Variants in PTPRD observed in about 807,000 individuals in gnomAD.
PTPRD encodes protein tyrosine phosphatase receptor type D.
Under a neutral mutation model 214.5 loss-of-function variants are expected in PTPRD, and 34 were observed. The ratio of observed to expected loss-of-function variants is 0.16; its 90% CI spans 0.12 to 0.21. The LOEUF is 0.21. Ranked by LOEUF, PTPRD falls within the 10% of genes least tolerant of loss-of-function variation. PTPRD has a pLI of 1.00. For missense variants in PTPRD, 2,545 were observed against 2,398.7 expected (o/e 1.06, Z -1.27); for synonymous variants, 1,128 against 845.7 (o/e 1.33, Z -5.79).
chr9:10,466,484 G>C (rs1328029549), intron 2 of PTPRD, among the ~76,000 whole-genome samples: 3 of 151,780 alleles, frequency 2.0e-5, no homozygotes, highest in African/African-American at 7.3e-5. Flanking sequence ...TTGACCAGGC[G>C]TGGTGGCGCA....
chr9:9,622,814 G>A (rs993006984), intron 7 of PTPRD, among the ~76,000 whole-genome samples: 1 of 152,080 alleles, frequency 6.6e-6, no homozygotes, highest in Non-Finnish European at 1.5e-5. Context: ...TCACAACAGG[G>A]GTCTTTATTA....
intron 3 of PTPRD, among the ~76,000 whole-genome samples, chr9:10,292,287 C>G (rs1448793054): frequency 6.6e-6 from 1 of 151,988 alleles, no homozygotes; most frequent in Non-Finnish European, 1.5e-5. Context: ...TCTCTGAAAT[C>G]AGACTACTTG....
intron 37 of PTPRD, among the ~76,000 whole-genome samples, chr9:8,385,593 C>T (rs2086707377): frequency 6.6e-6 from 1 of 152,048 alleles, no homozygotes; most frequent in South Asian, 2.1e-4. Flanking sequence ...TAAGGCAGGA[C>T]AATTTCGTAG....
intron 39 of PTPRD, among the ~76,000 whole-genome samples, chr9:8,368,191 G>T (rs529970851): frequency 6.6e-6 from 1 of 152,170 alleles, no homozygotes; most frequent in East Asian, 1.9e-4. Context: ...ATCAGAAAGG[G>T]GGTTCTCCTT....
intron 2 of PTPRD, among the ~76,000 whole-genome samples, chr9:10,497,884 T>A (rs745390797): frequency 6.6e-6 from 1 of 152,032 alleles, no homozygotes; most frequent in African/African-American, 2.4e-5. Flanking sequence ...GTAAACAAAA[T>A]ATTTAAAAAT....
intron 11 of PTPRD, among the ~76,000 whole-genome samples, chr9:8,832,329 G>A (rs2097311556): frequency 6.6e-6 from 1 of 151,370 alleles, no homozygotes; most frequent in Admixed American, 6.6e-5. Flanking sequence ...GACTGACAGT[G>A]GGTAACAGTG....
rs12346849 is a variant in PTPRD, at chr9:8,492,902, A to T, written c.2427T>A (p.Gly809=). 9.4e-3 allele frequency: 15,121 copies of T among 1,613,810 alleles called. 1,179 individuals are homozygous for T. The African/African-American group carries it at 0.17, about 18-fold the overall frequency. The part of the protein sequence containing the change: ...TVTAYTTKGD[G]ARSKPKLVST... ...ACACCAGTTTGGGCTTGCTGCGAGC[A>T]CCATCTCCTTTGGTTGTGTAGGCTG... Residue 809 remains glycine, a synonymous_variant, in exon 27 of 46, where the codon GGT becomes GGA. Coordinates refer to ENST00000381196, the MANE Select transcript of PTPRD (RefSeq NM_002839.4).
At chr9:10,278,922 A>T (rs12686069) in intron 3 of PTPRD, among the ~76,000 whole-genome samples, 5 of 151,790 alleles carry the variant, frequency 3.3e-5, no homozygotes, top group Non-Finnish European at 7.4e-5. Flanking sequence ...CTACAGGCAC[A>T]CACCACCACG....
chr9:10,124,133 G>T lies in PTPRD; in HGVS notation c.-544-90343C>A, dbSNP rs115391016. Reference sequence around the variant, plus strand: ...CATTTACTCAGTTGAGGAACCTGACGGTCTCTTTTAAAAAGAGCACAGGAT... The same window carrying T: ...CATTTACTCAGTTGAGGAACCTGACTGTCTCTTTTAAAAAGAGCACAGGAT... On this transcript the variant is annotated intron_variant, in intron 3 of 45. Coordinates refer to ENST00000381196, the MANE Select transcript of PTPRD (RefSeq NM_002839.4). 2.6e-5 allele frequency among the ~76,000 whole-genome samples: 4 copies of T among 152,060 alleles called. No individual in the cohort carries two copies. In the East Asian group the frequency reaches 7.8e-4, roughly 30 times the overall value.
rs561484587 is a variant in PTPRD, at chr9:8,702,687, C to T, written c.64+31093G>A. On this transcript the variant is annotated intron_variant, in intron 12 of 45. Transcript: ENST00000381196. ...GGAGTGCAGTGGCACGATCTCGGCTCACTGCAACCTCCCGTGTTCAAGCGA... is the reference window on the plus strand; with the variant it reads ...GGAGTGCAGTGGCACGATCTCGGCTTACTGCAACCTCCCGTGTTCAAGCGA... Among the ~76,000 whole-genome samples, 5 of 152,302 alleles carry T rather than the reference C, an allele frequency of 3.3e-5. No homozygotes were observed. In the East Asian group the frequency reaches 7.7e-4, roughly 24 times the overall value.
intron 9 of PTPRD, among the ~76,000 whole-genome samples, chr9:9,195,875 A>G (rs1381721150): frequency 2.0e-5 from 3 of 152,162 alleles, no homozygotes; most frequent in African/African-American, 7.2e-5. Flanking sequence ...TAGGCTGGTC[A>G]TTGTTTCATT....
intron 10 of PTPRD, among the ~76,000 whole-genome samples, chr9:9,057,403 T>C (rs1377735984): frequency 6.6e-6 from 1 of 152,170 alleles, no homozygotes; most frequent in Non-Finnish European, 1.5e-5. Flanking sequence ...TAATGTAAAA[T>C]GTATTATGAA....
chr9:8,340,490 A>T (rs1401825585), intron 41 of PTPRD, 21 bp from the exon 42 acceptor site: 1 of 1,550,116 alleles, frequency 6.5e-7, no homozygotes, highest in African/African-American at 1.3e-5. Context: ...GAGAATGAAA[A>T]GAATGTGTTA....
intron 9 of PTPRD, among the ~76,000 whole-genome samples, chr9:9,361,133 G>A (rs1238775782): frequency 2.0e-5 from 3 of 151,104 alleles, no homozygotes; most frequent in Admixed American, 6.6e-5. Context: ...CATTAGAAGT[G>A]CAGGTAATTT....
At chr9:9,687,290 C>G (rs554731402) in intron 7 of PTPRD, among the ~76,000 whole-genome samples, 1 of 151,948 alleles carries the variant, frequency 6.6e-6, no homozygotes, top group African/African-American at 2.4e-5. Context: ...GAAACAGGAT[C>G]TACTAAAATA....
chr9:9,782,310 A>T (rs999094829), intron 5 of PTPRD, among the ~76,000 whole-genome samples: 2 of 152,206 alleles, frequency 1.3e-5, no homozygotes, highest in African/African-American at 2.4e-5. Flanking sequence ...ATTATAATTT[A>T]AAATGCCGAT....
chr9:8,359,945 G>T (rs2078047048), intron 39 of PTPRD, among the ~76,000 whole-genome samples: 1 of 152,040 alleles, frequency 6.6e-6, no homozygotes, highest in Non-Finnish European at 1.5e-5. Flanking sequence ...CCTCCAAAAA[G>T]CTCCTCCCAT....
At chr9:8,566,563 GAGTTGA>G (rs2089301485) in intron 14 of PTPRD, among the ~76,000 whole-genome samples, 1 of 152,168 alleles carries the variant, frequency 6.6e-6, no homozygotes, top group Admixed American at 6.5e-5. Context: ...AGTAGGGCAA[GAGTTGA>G]AGGAACAGAT....
intron 7 of PTPRD, among the ~76,000 whole-genome samples, chr9:9,581,845 T>C (rs1190879513): frequency 6.6e-6 from 1 of 152,158 alleles, no homozygotes; most frequent in Admixed American, 6.6e-5. Context: ...TGTTAAGTAA[T>C]TTATACATTT....
Sources: gnomAD v4.1 joint callset for allele counts (sites outside exome capture counted in the v4.1 genomes callset) on GRCh38, gnomAD v4.1.1 for gene constraint, MANE v1.5 for transcripts, NCBI Gene and HGNC (gene_info 2026-07-23, HGNC 2026-07-21) for gene names.